SAMMSON: variants seen among roughly 807,000 people sequenced by gnomAD.
SAMMSON encodes the protein survival associated mitochondrial melanoma specific oncogenic non-coding RNA.
rs1488602423 is a variant in SAMMSON at position 70,107,451 on chromosome 3, C to A, written n.507+35886C>A. On this transcript the variant is annotated intron_variant and non_coding_transcript_variant, in intron 4 of 9. Coordinates refer to ENST00000642114, the Ensembl canonical transcript of SAMMSON. ...AAGATTTCATGCAGGGCAATGGTTG[C>A]CAATAACCCTAGAAAGGAAAGTTGG... 6.6e-5 allele frequency among the ~76,000 whole-genome samples: 10 copies of A among 152,110 alleles called. 2 individuals are homozygous for A. The highest frequency in any genetic ancestry group is 6.6e-4 in the Admixed American group (10 of 15,264).
At chr3:70,406,666 G>T (rs905366034) in intron 2 of SAMMSON, among the ~76,000 whole-genome samples, 14 of 152,168 alleles carry the variant, frequency 9.2e-5, no homozygotes, top group African/African-American at 3.1e-4. Context: ...AGTTGAAGAT[G>T]CATGTGGTAA....
chr3:70,286,762 A>C (rs1702168657), intron 6 of SAMMSON, among the ~76,000 whole-genome samples: 1 of 152,104 alleles, frequency 6.6e-6, no homozygotes, highest in South Asian at 2.1e-4. Context: ...TTCTCCTTGA[A>C]GAGGTCCTTC....
chr3:70,245,784 G>A (rs1017241075), intron 4 of SAMMSON, among the ~76,000 whole-genome samples: 38 of 142,802 alleles, frequency 2.7e-4, no homozygotes, highest in Admixed American at 4.4e-4. Context: ...CATCATGAAG[G>A]TTGACAATTT....
At chr3:70,238,259 T>G (rs148694830) in intron 4 of SAMMSON, among the ~76,000 whole-genome samples, 1 of 151,838 alleles carries the variant, frequency 6.6e-6, no homozygotes, top group Non-Finnish European at 1.5e-5. Flanking sequence ...CTATGTAAGG[T>G]GTAAACACTA....
chr3:70,276,864 A>G (rs909123530), intron 6 of SAMMSON, among the ~76,000 whole-genome samples: 2 of 152,248 alleles, frequency 1.3e-5, no homozygotes, highest in Admixed American at 6.5e-5. Context: ...TTCAAATTAG[A>G]TTGTAGTTTT....
At chr3:70,087,369 T>A (rs2067289420) in intron 4 of SAMMSON, among the ~76,000 whole-genome samples, 1 of 152,036 alleles carries the variant, frequency 6.6e-6, no homozygotes. Context: ...TTTGGAGGAG[T>A]AGCCAGTGCC....
chr3:70,047,820 C>T (rs1337740591), intron 3 of SAMMSON, among the ~76,000 whole-genome samples: 4 of 152,010 alleles, frequency 2.6e-5, no homozygotes, highest in Non-Finnish European at 4.4e-5. Flanking sequence ...GGCAAGAGAG[C>T]GTGAATGTTG....
At chr3:70,290,831 G>A (rs922081127) in intron 6 of SAMMSON, among the ~76,000 whole-genome samples, 47 of 152,098 alleles carry the variant, frequency 3.1e-4, no homozygotes, top group African/African-American at 1.1e-3. Context: ...TTCCAGGTGC[G>A]GTCCTCACCC....
chr3:70,288,995 G>A (rs765711515), intron 6 of SAMMSON, among the ~76,000 whole-genome samples: 13 of 152,028 alleles, frequency 8.6e-5, no homozygotes, highest in Non-Finnish European at 1.8e-4. Context: ...CACACTGATG[G>A]GTCTTAAATC....
intron 4 of SAMMSON, among the ~76,000 whole-genome samples, chr3:70,198,817 G>A (rs955270964): frequency 6.6e-6 from 1 of 152,148 alleles, no homozygotes; most frequent in Non-Finnish European, 1.5e-5. Context: ...CTTAGAGCCA[G>A]CTTTTAGCGT....
At chr3:70,091,652 T>C (rs2067305173) in intron 4 of SAMMSON, among the ~76,000 whole-genome samples, 1 of 152,190 alleles carries the variant, frequency 6.6e-6, no homozygotes, top group South Asian at 2.1e-4. Flanking sequence ...CTGACGTATA[T>C]GGACAGCCTA....
intron 4 of SAMMSON, among the ~76,000 whole-genome samples, chr3:70,213,416 T>C (rs1035432174): frequency 6.6e-6 from 1 of 152,140 alleles, no homozygotes; most frequent in Admixed American, 6.6e-5. Context: ...ACATTTAAAA[T>C]GAGTGTATAT....
intron 4 of SAMMSON, among the ~76,000 whole-genome samples, chr3:70,177,738 T>A (rs1701018510): frequency 6.6e-6 from 1 of 152,162 alleles, no homozygotes; most frequent in Non-Finnish European, 1.5e-5. Flanking sequence ...ATTATTCCCA[T>A]TTTACAGAAG....
intron 4 of SAMMSON, among the ~76,000 whole-genome samples, chr3:70,245,655 G>A (rs1478422254): frequency 4.3e-5 from 5 of 115,420 alleles, no homozygotes; most frequent in Admixed American, 3.0e-4. Context: ...CTTGCATAAC[G>A]TTTTTGCAAA....
intron 4 of SAMMSON, among the ~76,000 whole-genome samples, chr3:70,072,863 T>C (rs1486654866): frequency 6.6e-6 from 1 of 152,020 alleles, no homozygotes; most frequent in African/African-American, 2.4e-5. Context: ...TTGAAACTTA[T>C]CATTTCTTGA....
intron 9 of SAMMSON, among the ~76,000 whole-genome samples, chr3:70,369,810 G>T (rs1016672246): frequency 6.6e-6 from 1 of 151,738 alleles, no homozygotes; most frequent in Non-Finnish European, 1.5e-5. Context: ...ATTTCTATGT[G>T]TTGGGGGCAT....
At chr3:70,151,093 G>C (rs980767396) in intron 4 of SAMMSON, among the ~76,000 whole-genome samples, 3 of 20,758 alleles carry the variant, frequency 1.4e-4, no homozygotes, top group Non-Finnish European at 3.7e-4. Context: ...TATTTCAACA[G>C]AGAGAATTTA....
At chr3:70,377,103 G>A (rs970095996) in intron 9 of SAMMSON, among the ~76,000 whole-genome samples, 3 of 152,052 alleles carry the variant, frequency 2.0e-5, no homozygotes, top group Non-Finnish European at 4.4e-5. Context: ...TCAATTAGAA[G>A]TATAAAAGTT....
intron 4 of SAMMSON, among the ~76,000 whole-genome samples, chr3:70,161,606 G>C (rs923187489): frequency 6.6e-6 from 1 of 151,794 alleles, no homozygotes; most frequent in Admixed American, 6.6e-5. Context: ...ATTCATGAGG[G>C]ATATTGGTCT....
Sources: gnomAD v4.1 joint callset for allele counts (sites outside exome capture counted in the v4.1 genomes callset) on GRCh38, gnomAD v4.1.1 for gene constraint, MANE v1.5 for transcripts, NCBI Gene and HGNC (gene_info 2026-07-23, HGNC 2026-07-21) for gene names.